Variants in ANKS1B observed in about 807,000 individuals in gnomAD.
ANKS1B encodes the protein ankyrin repeat and sterile alpha motif domain-containing protein 1B.
A neutral mutation model predicts 148.3 loss-of-function variants in ANKS1B; 36 were observed. That is an observed-to-expected ratio of 0.24 (90% CI 0.19 to 0.32). ANKS1B has a LOEUF of 0.32. Ranked by LOEUF, ANKS1B falls within the 10% of genes least tolerant of loss-of-function variation. The probability of loss-of-function intolerance (pLI) is 1.00; values close to 1 mark genes in which losing one functional copy is unlikely to be tolerated. For synonymous variants in ANKS1B, 542 were observed against 560.8 expected, an observed-to-expected ratio of 0.97 and a Z score of 0.47; for missense variants, 1,157 against 1,542.6, an observed-to-expected ratio of 0.75 and a Z score of 4.19.
intron 16 of ANKS1B, among the ~76,000 whole-genome samples, chr12:99,084,533 T>C (rs1173150832): frequency 6.6e-6 from 1 of 151,846 alleles, no homozygotes; most frequent in African/African-American, 2.4e-5. Context: ...CATGGCAAAA[T>C]CCCATCTCTA....
intron 1 of ANKS1B, among the ~76,000 whole-genome samples, chr12:99,851,961 T>C (rs1030028861): frequency 2.0e-5 from 3 of 152,214 alleles, no homozygotes; most frequent in African/African-American, 7.2e-5. Flanking sequence ...TAAATACTTA[T>C]TAAGCTATCT....
intron 8 of ANKS1B, among the ~76,000 whole-genome samples, chr12:99,768,399 C>G (rs978875139): frequency 5.9e-5 from 9 of 152,250 alleles, no homozygotes; most frequent in African/African-American, 2.2e-4. Context: ...AGCCTCCTTG[C>G]TATGAACCTC....
intron 17 of ANKS1B, among the ~76,000 whole-genome samples, chr12:98,999,716 T>C (rs923357957): frequency 2.0e-5 from 3 of 152,178 alleles, no homozygotes; most frequent in Non-Finnish European, 4.4e-5. Flanking sequence ...GTTCAGCAGA[T>C]GGGATGCATC....
At chr12:98,868,508 T>C (rs1314558487) in intron 17 of ANKS1B, among the ~76,000 whole-genome samples, 1 of 152,254 alleles carries the variant, frequency 6.6e-6, no homozygotes, top group Non-Finnish European at 1.5e-5. Flanking sequence ...TGTTAATGTT[T>C]AGCTGTGTAG....
At chr12:99,920,011 A>AAT (rs1237947151) in intron 1 of ANKS1B, among the ~76,000 whole-genome samples, 1 of 152,158 alleles carries the variant, frequency 6.6e-6, no homozygotes. Context: ...GGACAGCACT[A>AAT]ATGTGAGGTC....
At chr12:99,844,765 C>T (rs922559608) in intron 1 of ANKS1B, among the ~76,000 whole-genome samples, 7 of 152,050 alleles carry the variant, frequency 4.6e-5, no homozygotes, top group African/African-American at 1.7e-4. Flanking sequence ...TTTTCTAATT[C>T]TATGAAGAAT....
At chr12:98,968,738 T>G (rs1214792988) in intron 17 of ANKS1B, among the ~76,000 whole-genome samples, 1 of 152,004 alleles carries the variant, frequency 6.6e-6, no homozygotes, top group Admixed American at 6.6e-5. Flanking sequence ...ATAATGAAAT[T>G]TGTTGGACCA....
intron 14 of ANKS1B, among the ~76,000 whole-genome samples, chr12:99,194,013 G>A (rs755336379): frequency 2.8e-4 from 42 of 151,720 alleles, no homozygotes; most frequent in Non-Finnish European, 5.2e-4. Context: ...TGTTGGCCAG[G>A]ATGGTCTCAA....
chr12:99,850,483 A>G (rs562272730), intron 1 of ANKS1B, among the ~76,000 whole-genome samples: 135 of 152,140 alleles, frequency 8.9e-4, no homozygotes, highest in Middle Eastern at 3.4e-3. Flanking sequence ...TTTTATACAT[A>G]CAGCTTCAAA....
intron 12 of ANKS1B, among the ~76,000 whole-genome samples, chr12:99,291,566 C>T (rs1034693983): frequency 2.6e-5 from 4 of 152,064 alleles, no homozygotes; most frequent in African/African-American, 9.7e-5. Context: ...TGGAACAGAA[C>T]AGAGAACCCA....
chr12:99,199,362 A>T lies in ANKS1B; in HGVS notation c.2420-44967T>A, dbSNP rs1349545493. 1.3e-5 allele frequency among the ~76,000 whole-genome samples: 2 copies of T among 152,238 alleles called. 1 individual carries two copies. On this transcript the variant is annotated intron_variant, in intron 14 of 26. Transcript: ENST00000683438. Reference sequence around the variant, plus strand: ...ACTATAAACTATTTCCTGTGTTGTTAGCCGTGGTTTTTTAAAAACAATTAT... The same window carrying T: ...ACTATAAACTATTTCCTGTGTTGTTTGCCGTGGTTTTTTAAAAACAATTAT...
At chr12:99,210,876 C>T (rs532557133) in intron 14 of ANKS1B, among the ~76,000 whole-genome samples, 62 of 152,296 alleles carry the variant, frequency 4.1e-4, no homozygotes, top group Middle Eastern at 3.4e-3. Context: ...TAATAGCAGT[C>T]TCCCTGGTAT....
At chr12:99,327,184 A>C (rs1424818845) in intron 12 of ANKS1B, among the ~76,000 whole-genome samples, 1 of 118,012 alleles carries the variant, frequency 8.5e-6, no homozygotes, top group African/African-American at 3.4e-5. Flanking sequence ...TTATATATTT[A>C]TTATAATTAT....
chr12:98,781,890 T>G (rs1223657473), intron 23 of ANKS1B, among the ~76,000 whole-genome samples: 3 of 152,208 alleles, frequency 2.0e-5, no homozygotes, highest in Non-Finnish European at 4.4e-5. Flanking sequence ...CTTTATCATT[T>G]AGAGCTGCTA....
At chr12:98,957,345 A>T (rs1415639309) in intron 17 of ANKS1B, among the ~76,000 whole-genome samples, 1 of 77,826 alleles carries the variant, frequency 1.3e-5, no homozygotes, top group East Asian at 3.0e-4. Context: ...TTATTTATTT[A>T]TTTATTTATT....
intron 8 of ANKS1B, among the ~76,000 whole-genome samples, chr12:99,715,562 G>A (rs927610934): frequency 2.0e-5 from 3 of 152,142 alleles, no homozygotes; most frequent in African/African-American, 7.2e-5. Context: ...AAGCCAGTTT[G>A]GTGGTCTCTT....
intron 25 of ANKS1B, among the ~76,000 whole-genome samples, chr12:98,753,867 G>A (rs2098160655): frequency 6.6e-6 from 1 of 152,192 alleles, no homozygotes; most frequent in African/African-American, 2.4e-5. Flanking sequence ...CTCATCAAGC[G>A]CTCTGGGAGC....
chr12:99,763,253 A>G (rs751968505), intron 8 of ANKS1B, among the ~76,000 whole-genome samples: 1 of 152,196 alleles, frequency 6.6e-6, no homozygotes, highest in Non-Finnish European at 1.5e-5. Flanking sequence ...ATATCCATCA[A>G]CGGTGGACTA....
chr12:99,074,329 T>TAA (rs79798452), intron 16 of ANKS1B, among the ~76,000 whole-genome samples: 72 of 138,908 alleles, frequency 5.2e-4, no homozygotes, highest in Non-Finnish European at 9.6e-4. Flanking sequence ...GATAAATTCT[T>TAA]AAAAAAAAAA....
Sources: allele counts gnomAD v4.1 joint callset (sites outside exome capture counted in the v4.1 genomes callset), GRCh38; gene constraint gnomAD v4.1.1; transcripts MANE v1.5; gene names NCBI Gene and HGNC (gene_info 2026-07-23, HGNC 2026-07-21).